The following NUP107 variants were observed in gnomAD, a reference collection of about 807,000 sequenced individuals.
NUP107 encodes the protein nucleoporin 107.
NUP107 carries 101 observed loss-of-function variants against 141.0 expected under a neutral mutation model. The observed-to-expected ratio is 0.72, with a 90% CI of 0.61 to 0.84. The LOEUF is 0.84. Ranked by LOEUF, NUP107 falls within the 40% of genes least tolerant of loss-of-function variation. The pLI is 0.00. For synonymous variants in NUP107, 319 were observed against 363.9 expected (o/e 0.88, Z 1.41); for missense variants, 941 against 1,102.7 (o/e 0.85, Z 2.08).
At position 68,743,745 on chromosome 12, in the gene NUP107, C is replaced by T. The variant is rs897023326; in HGVS notation, c.*1283C>T. ...CTTGAATATGTATTTATAGATGCCA[C>T]CCCTAGAGACAGCTGGCTTGGGAAG... is the stretch of plus-strand genomic sequence containing the variant. On this transcript the variant is annotated 3_prime_UTR_variant, in exon 28 of 28. Transcript: ENST00000229179. The T allele has an allele frequency of 3.3e-5, 5 of 152,198 alleles. No homozygotes were observed. The highest frequency in any genetic ancestry group is 5.9e-5 in the Non-Finnish European group (4 of 68,040). 9.4% of individuals were successfully genotyped at this position (152,198 alleles called of 1,614,324 possible). A position where few individuals can be genotyped will look rare whatever the true frequency, so the allele number is the denominator to read the frequency against.
At chr12:68,706,230 A>T in intron 8 of NUP107, 1 of 767,872 alleles carries the variant, frequency 1.3e-6, no homozygotes, top group Non-Finnish European at 2.4e-6. Context: ...ATCAAGAAGG[A>T]TATGGATGAA....
At chr12:68,741,280 CATT>C (rs1878309428) in intron 26 of NUP107, among the ~76,000 whole-genome samples, 1 of 151,952 alleles carries the variant, frequency 6.6e-6, no homozygotes, top group African/African-American at 2.4e-5. Context: ...TGTTCTGACT[CATT>C]AATTGTATTA....
At chr12:68,740,171 G>A (rs188962698) in intron 26 of NUP107, 2 of 152,302 alleles carry the variant, frequency 1.3e-5, no homozygotes, top group East Asian at 3.9e-4. Context: ...CTGCTTTTCG[G>A]GCAACAAGGA....
At chr12:68,720,765 C>T (rs183626984) in intron 14 of NUP107, among the ~76,000 whole-genome samples, 2 of 152,160 alleles carry the variant, frequency 1.3e-5, no homozygotes, top group East Asian at 3.9e-4. Context: ...AGTATCAGGT[C>T]AGTATCAGAA....
At chr12:68,687,991 A>C (rs1397595576) in intron 1 of NUP107, among the ~76,000 whole-genome samples, 1 of 152,196 alleles carries the variant, frequency 6.6e-6, no homozygotes, top group Non-Finnish European at 1.5e-5. Context: ...GGGCAAATGT[A>C]GGTCTTTGTA....
chr12:68,702,818 A>G, intron 8 of NUP107, 34 bp downstream of exon 8: 1 of 1,226,594 alleles, frequency 8.2e-7, no homozygotes, highest in Non-Finnish European at 1.1e-6. Context: ...TTTTATAAAT[A>G]CATACAAATT....
chr12:68,693,640 A>G (rs1001796930), intron 5 of NUP107, among the ~76,000 whole-genome samples: 2 of 152,232 alleles, frequency 1.3e-5, no homozygotes, highest in Middle Eastern at 3.4e-3. Context: ...TCTGTCTATA[A>G]TATATTTTTC....
intron 14 of NUP107, 74 bp from the exon 15 acceptor site, chr12:68,721,044 C>T: frequency 1.0e-6 from 1 of 985,990 alleles, no homozygotes; most frequent in East Asian, 2.4e-5. Context: ...GTTTGCAAGA[C>T]TCCACATTAT....
intron 1 of NUP107, among the ~76,000 whole-genome samples, chr12:68,688,456 T>C (rs112755793): frequency 4.6e-5 from 7 of 152,318 alleles, no homozygotes; most frequent in African/African-American, 1.4e-4. Flanking sequence ...ACCACAATTC[T>C]TTTACTTACC....
At chr12:68,706,184 A>C in intron 8 of NUP107, 2 of 767,242 alleles carry the variant, frequency 2.6e-6, no homozygotes, top group South Asian at 2.7e-5. Flanking sequence ...GGATGATATC[A>C]AAAAGCATAC....
At chr12:68,710,187 A>C in intron 10 of NUP107, 94 bp downstream of exon 10, 1 of 667,112 alleles carries the variant, frequency 1.5e-6, no homozygotes. Flanking sequence ...CTTTGTTCAC[A>C]CTACTTTGTT....
At chr12:68,720,514 G>A (rs2136031259) in intron 14 of NUP107, among the ~76,000 whole-genome samples, 1 of 152,238 alleles carries the variant, frequency 6.6e-6, no homozygotes. Flanking sequence ...GGATAGTATT[G>A]ATGATAATGG....
intron 8 of NUP107, chr12:68,705,907 A>G: frequency 1.1e-6 from 1 of 882,920 alleles, no homozygotes; most frequent in Non-Finnish European, 1.9e-6. Flanking sequence ...CACCCAGGTG[A>G]AGGAGCAGAT....
Position 68,688,830 on chromosome 12 carries a change from A to C in NUP107, c.9-132A>C. Reference sequence around the variant, plus strand: ...GCCAGGAGTGCGTTCTCAACAAAAGATCTAAGACTTGGCTACTAGAATGAC... The same window carrying C: ...GCCAGGAGTGCGTTCTCAACAAAAGCTCTAAGACTTGGCTACTAGAATGAC... On this transcript the variant is annotated intron_variant, in intron 1 of 27. Transcript: ENST00000229179. 3 of 542,508 alleles carry C rather than the reference A, an allele frequency of 5.5e-6. No individual in the cohort carries two copies. The Admixed American group carries it at 1.1e-4, about 20-fold the overall frequency. 33.6% of individuals were successfully genotyped at this position (542,508 alleles called of 1,614,324 possible).
At chr12:68,716,054 T>G (rs1877090427) in intron 12 of NUP107, among the ~76,000 whole-genome samples, 1 of 151,810 alleles carries the variant, frequency 6.6e-6, no homozygotes, top group Non-Finnish European at 1.5e-5. Flanking sequence ...GAGATTTTTG[T>G]TTTTGTTTTT....
At position 68,733,668 on chromosome 12, in the gene NUP107, C is replaced by T. The variant is rs1365179527; in HGVS notation, c.2262+56C>T. 5.2e-6 allele frequency: 8 copies of T among 1,548,902 alleles called. No individual in the cohort carries two copies. The African/African-American group carries it at 9.6e-5, about 19-fold the overall frequency. On this transcript the variant is annotated intron_variant, in intron 24 of 27. Transcript: ENST00000229179. ...CTACTTCATGATGATTTTTCGGATT[C>T]ACTCTCAGAGTTTGAACTTTTTTCT...
chr12:68,709,503 T>G lies in NUP107; in HGVS notation c.801+194T>G, dbSNP rs560753821. On this transcript the variant is annotated intron_variant, in intron 9 of 27. Transcript: ENST00000229179. Reference sequence around the variant, plus strand: ...GTAATAGCCCTAGTATTTTCAGGAATAGCCTGTTAAAAACGATTATTCCTA... The same window carrying G: ...GTAATAGCCCTAGTATTTTCAGGAAGAGCCTGTTAAAAACGATTATTCCTA... Among the ~76,000 whole-genome samples, 5 of 152,298 alleles carry G rather than the reference T, an allele frequency of 3.3e-5. No individual in the cohort carries two copies. The East Asian group carries it at 9.6e-4, about 29-fold the overall frequency.
chr12:68,691,992 T>C lies in NUP107; in HGVS notation c.328T>C (p.Trp110Arg), dbSNP rs1875815121. The part of the protein sequence containing the change: ...SMVTNLDDSN[W>R]AAAFSSQRSG... ...GGTTACTAATCTGGATGACAGTAAC[T>C]GGGCAGCTGCATTTTCATCACAGCG... The change falls in exon 5 of 28, where the codon TGG (tryptophan) becomes CGG (arginine). Residue 110 changes from tryptophan to arginine, a missense_variant. Transcript: ENST00000229179. 1.9e-6 allele frequency: 3 copies of C among 1,602,728 alleles called. No homozygotes were observed. The highest frequency in any genetic ancestry group is 4.5e-5 in the East Asian group (2 of 44,812).
At chr12:68,726,676 C>A in intron 19 of NUP107, 59 bp downstream of exon 19, 1 of 986,286 alleles carries the variant, frequency 1.0e-6, no homozygotes, top group Non-Finnish European at 1.6e-6. Flanking sequence ...TACCTATTGT[C>A]AAGAAAACAC....
Sources: allele counts gnomAD v4.1 joint callset (sites outside exome capture counted in the v4.1 genomes callset), GRCh38; gene constraint gnomAD v4.1.1; transcripts MANE v1.5; gene names NCBI Gene and HGNC (gene_info 2026-07-23, HGNC 2026-07-21).